PHKB: variants seen among roughly 807,000 people sequenced by gnomAD.
PHKB encodes phosphorylase kinase regulatory subunit beta, also known as phosphorylase b kinase regulatory subunit beta.
Under a neutral mutation model 152.1 loss-of-function variants are expected in PHKB, and 122 were observed. That is an observed-to-expected ratio of 0.80 (90% CI 0.69 to 0.93). The LOEUF (loss-of-function observed/expected upper bound fraction) is 0.93, where lower values mean the gene tolerates loss of function less well. Among genes scored for constraint, PHKB ranks in the 40% least tolerant of loss-of-function variants. The pLI, the probability that PHKB is intolerant of heterozygous loss-of-function variation, is 0.00. For synonymous variants in PHKB, 436 were observed against 464.9 expected (o/e 0.94, Z 0.80); for missense variants, 1,304 against 1,328.4 (o/e 0.98, Z 0.29).
intron 20 of PHKB, among the ~76,000 whole-genome samples, chr16:47,654,630 G>T (rs894563174): frequency 9.2e-5 from 14 of 152,058 alleles, no homozygotes; most frequent in East Asian, 3.9e-4. Context: ...CCATAAAAAA[G>T]GATGAGTTCA....
rs1200871635 is a variant in PHKB, at chr16:47,647,501, C to CT, written c.1609-1018dup. Among the ~76,000 whole-genome samples the CT allele has an allele frequency of 7.0e-3, 1,006 of 144,670 alleles. 6 individuals are homozygous for CT. The highest frequency in any genetic ancestry group is 0.016 in the African/African-American group (624 of 39,772). 94.9% of individuals were successfully genotyped at this position (144,670 alleles called of 152,430 possible). A position where few individuals can be genotyped will look rare whatever the true frequency, so the allele number is the denominator to read the frequency against. On this transcript the variant is annotated intron_variant, in intron 16 of 30. Transcript: ENST00000323584. ...AAAATGCATAGACTCATTTTAACAT[C>CT]TTTTTTTTTTTTTTGAGACGGAGTC... is the stretch of plus-strand genomic sequence containing the variant.
At chr16:47,574,257 G>A (rs1971713273) in intron 7 of PHKB, among the ~76,000 whole-genome samples, 1 of 152,120 alleles carries the variant, frequency 6.6e-6, no homozygotes, top group African/African-American at 2.4e-5. Context: ...CCAGTGCTTG[G>A]TAGGGTTGAG....
chr16:47,644,539 G>A (rs1395773401), intron 16 of PHKB, among the ~76,000 whole-genome samples: 3 of 152,198 alleles, frequency 2.0e-5, no homozygotes, highest in African/African-American at 7.2e-5. Flanking sequence ...TGTATACAAT[G>A]AAGTTGTTAT....
intron 14 of PHKB, among the ~76,000 whole-genome samples, chr16:47,628,456 C>T (rs1261992362): frequency 3.9e-5 from 6 of 152,074 alleles, no homozygotes; most frequent in East Asian, 1.9e-4. Flanking sequence ...GGCGTGAACC[C>T]GGCAGGCAGA....
At chr16:47,584,196 G>A (rs1971897952) in intron 8 of PHKB, among the ~76,000 whole-genome samples, 1 of 152,048 alleles carries the variant, frequency 6.6e-6, no homozygotes, top group Admixed American at 6.5e-5. Context: ...TTGGGGCAGA[G>A]CTACATTTAG....
intron 14 of PHKB, among the ~76,000 whole-genome samples, chr16:47,629,321 T>C (rs1972776493): frequency 6.6e-6 from 1 of 151,338 alleles, no homozygotes; most frequent in Non-Finnish European, 1.5e-5. Context: ...TCAAACAAAT[T>C]GACAAGAAAA....
intron 6 of PHKB, among the ~76,000 whole-genome samples, chr16:47,530,395 G>T (rs986262787): frequency 1.3e-5 from 2 of 151,890 alleles, no homozygotes; most frequent in African/African-American, 4.8e-5. Flanking sequence ...CAAGTGATCC[G>T]CCTGCCTCAG....
chr16:47,513,891 T>C (rs931971949), intron 5 of PHKB, among the ~76,000 whole-genome samples: 1 of 152,210 alleles, frequency 6.6e-6, no homozygotes, highest in East Asian at 1.9e-4. Context: ...TTAAAGTATA[T>C]AGTTTGATGG....
intron 7 of PHKB, among the ~76,000 whole-genome samples, chr16:47,563,164 C>A (rs747920162): frequency 1.5e-4 from 23 of 151,622 alleles, no homozygotes; most frequent in Middle Eastern, 3.4e-3. Flanking sequence ...GAATCAGCTT[C>A]TTCCAAACTC....
intron 6 of PHKB, among the ~76,000 whole-genome samples, chr16:47,539,546 T>C (rs1351097437): frequency 6.6e-6 from 1 of 152,126 alleles, no homozygotes; most frequent in Non-Finnish European, 1.5e-5. Context: ...TACATTCCAT[T>C]GGAGCATTGA....
chr16:47,629,917 C>T (rs1354122830), intron 14 of PHKB, among the ~76,000 whole-genome samples: 2 of 151,788 alleles, frequency 1.3e-5, no homozygotes, highest in East Asian at 1.9e-4. Context: ...AGTAAACTAT[C>T]GCAATAACAA....
intron 10 of PHKB, 27 bp downstream of exon 10, chr16:47,589,129 G>C: frequency 6.6e-7 from 1 of 1,504,934 alleles, no homozygotes; most frequent in Non-Finnish European, 9.2e-7. Flanking sequence ...CATGGTAATC[G>C]CATATCAGAG....
Position 47,499,799 on chromosome 16 carries a change from C to A in PHKB, c.210C>A (p.Leu70=). 6.2e-7 allele frequency: 1 copy of A among 1,614,204 alleles called. No homozygotes were observed. Among genetic ancestry groups the A allele is most frequent in the Non-Finnish European group, 8.5e-7 (1 of 1,180,028 alleles). The change falls in exon 3 of 31, where the codon CTC becomes CTA. Residue 70 remains leucine (L), a synonymous_variant. Coordinates refer to ENST00000323584, the MANE Select transcript of PHKB (RefSeq NM_000293.3). ...LLLYQSPTTG[L]FPTKTCGGDQ... is the part of the protein sequence containing the mutation. ...TGTATCAAAGTCCAACTACCGGTCTCTTTCCCACTAAAACATGCGGTGGTG... is the reference window on the plus strand; with the variant it reads ...TGTATCAAAGTCCAACTACCGGTCTATTTCCCACTAAAACATGCGGTGGTG...
intron 14 of PHKB, among the ~76,000 whole-genome samples, chr16:47,631,366 A>G (rs1007722703): frequency 6.6e-6 from 1 of 152,200 alleles, no homozygotes; most frequent in Admixed American, 6.5e-5. Context: ...TTGTGAGAAT[A>G]CTCAAAAAAG....
At chr16:47,643,129 G>A (rs78188372) in intron 16 of PHKB, among the ~76,000 whole-genome samples, 2,549 of 152,238 alleles carry the variant, frequency 0.017, 40 homozygotes, top group Non-Finnish European at 0.026. Flanking sequence ...TTAATAGTAG[G>A]TGAGTTTATA....
intron 6 of PHKB, among the ~76,000 whole-genome samples, chr16:47,530,295 G>A (rs1264083661): frequency 2.0e-5 from 3 of 151,906 alleles, no homozygotes; most frequent in Admixed American, 6.6e-5. Context: ...GCCACCATGC[G>A]CAACTAATGT....
rs1971646576 is a variant in PHKB, at chr16:47,570,871, G to C, written c.711-9424G>C. On this transcript the variant is annotated intron_variant, in intron 7 of 30. Transcript: ENST00000323584. ...GTAAATAAAACTGTTTTTTCATATT[G>C]CCAGAATTATTTTTCTGGTTTCTTC... is the stretch of plus-strand genomic sequence containing the variant. 2.0e-5 allele frequency among the ~76,000 whole-genome samples: 3 copies of C among 151,774 alleles called. No homozygotes were observed. In the South Asian group the frequency reaches 6.2e-4, roughly 31 times the overall value.
chr16:47,641,064 T>C lies in PHKB; in HGVS notation c.1488T>C (p.His496=), dbSNP rs1973010579. 2.5e-6 allele frequency: 4 copies of C among 1,613,980 alleles called. No homozygotes were observed. The highest frequency in any genetic ancestry group is 2.2e-5 in the South Asian group (2 of 91,074). ...QGPLENDLVV[H]VALIAESQRL... ...CACTGGAAAATGACTTGGTAGTTCATGTGGCACTTATAGCAGAAAGCCAAA... is the reference window on the plus strand; with the variant it reads ...CACTGGAAAATGACTTGGTAGTTCACGTGGCACTTATAGCAGAAAGCCAAA... The change falls in exon 15 of 31, where the codon CAT becomes CAC. Residue 496 remains histidine, a synonymous_variant. Transcript: ENST00000323584.
intron 4 of PHKB, among the ~76,000 whole-genome samples, chr16:47,504,732 T>G (rs1420665936): frequency 6.6e-6 from 1 of 152,210 alleles, no homozygotes; most frequent in Non-Finnish European, 1.5e-5. Context: ...TTGTAAGGAT[T>G]AAGAAATAAC....
Sources: allele counts gnomAD v4.1 joint callset (sites outside exome capture counted in the v4.1 genomes callset), GRCh38; gene constraint gnomAD v4.1.1; transcripts MANE v1.5; gene names NCBI Gene and HGNC (gene_info 2026-07-23, HGNC 2026-07-21).